VAV3: variants seen among roughly 807,000 people sequenced by gnomAD.
VAV3 encodes guanine nucleotide exchange factor VAV3.
A neutral mutation model predicts 131.2 loss-of-function variants in VAV3; 94 were observed. That is an observed-to-expected ratio of 0.72 (90% confidence interval 0.61 to 0.85). The LOEUF is 0.85. Among genes scored for constraint, VAV3 ranks in the 40% least tolerant of loss-of-function variants. VAV3 has a pLI of 0.00. For synonymous variants in VAV3, 349 were observed against 342.0 expected (o/e 1.02, Z -0.22); for missense variants, 939 against 1,002.7 (o/e 0.94, Z 0.86).
At chr1:107,956,046 A>G (rs868406194) in intron 1 of VAV3, among the ~76,000 whole-genome samples, 3 of 152,254 alleles carry the variant, frequency 2.0e-5, no homozygotes, top group African/African-American at 7.2e-5. Flanking sequence ...GTGAGAACTG[A>G]TGATGCAGAA....
At chr1:107,610,365 G>A (rs1407720911) in intron 21 of VAV3, among the ~76,000 whole-genome samples, 2 of 151,910 alleles carry the variant, frequency 1.3e-5, no homozygotes, top group African/African-American at 4.8e-5. Context: ...AATATACACT[G>A]GATGTGGGTA....
At chr1:107,663,174 T>C (rs79589127) in intron 19 of VAV3, among the ~76,000 whole-genome samples, 2 of 152,312 alleles carry the variant, frequency 1.3e-5, no homozygotes, top group African/African-American at 2.4e-5. Context: ...AGGGTGATAA[T>C]TACCTAATGC....
chr1:107,665,428 G>A (rs1657342840), intron 19 of VAV3, among the ~76,000 whole-genome samples: 1 of 152,144 alleles, frequency 6.6e-6, no homozygotes, highest in Non-Finnish European at 1.5e-5. Context: ...TTCCCCACTA[G>A]TAGGTAGACT....
intron 1 of VAV3, among the ~76,000 whole-genome samples, chr1:107,942,838 G>T (rs2101279795): frequency 6.6e-6 from 1 of 152,198 alleles, no homozygotes; most frequent in East Asian, 1.9e-4. Flanking sequence ...TATTTCTTAA[G>T]GGCCACCCCC....
chr1:107,907,142 G>A (rs1449663428), intron 1 of VAV3, among the ~76,000 whole-genome samples: 2 of 152,144 alleles, frequency 1.3e-5, no homozygotes, highest in Non-Finnish European at 2.9e-5. Flanking sequence ...ATACAAGTCA[G>A]AAAAGGCCAT....
intron 9 of VAV3, among the ~76,000 whole-genome samples, chr1:107,761,197 G>A (rs180783348): frequency 2.6e-5 from 4 of 152,136 alleles, no homozygotes; most frequent in Admixed American, 6.5e-5. Context: ...AGACCATCCT[G>A]GCTAACATGG....
At chr1:107,657,328 A>G (rs1245955972) in intron 19 of VAV3, among the ~76,000 whole-genome samples, 2 of 152,218 alleles carry the variant, frequency 1.3e-5, no homozygotes, top group Non-Finnish European at 2.9e-5. Flanking sequence ...AGGTCAATGT[A>G]GTATAAAGGG....
chr1:107,781,322 C>T (rs1181027919), intron 2 of VAV3, among the ~76,000 whole-genome samples: 1 of 152,026 alleles, frequency 6.6e-6, no homozygotes, highest in African/African-American at 2.4e-5. Context: ...ACAAAGATAA[C>T]ATTTAATTGA....
At chr1:107,587,015 G>T (rs777776528) in intron 25 of VAV3, among the ~76,000 whole-genome samples, 3 of 152,076 alleles carry the variant, frequency 2.0e-5, no homozygotes, top group African/African-American at 7.2e-5. Context: ...GTTACAGAAC[G>T]TTTAAAAAAA....
chr1:107,959,998 C>G (rs554454601), intron 1 of VAV3, among the ~76,000 whole-genome samples: 1 of 152,310 alleles, frequency 6.6e-6, no homozygotes, highest in East Asian at 1.9e-4. Flanking sequence ...TCAATAAACC[C>G]CTGCTGGCTC....
chr1:107,649,901 C>G (rs956312339), intron 19 of VAV3, among the ~76,000 whole-genome samples: 1 of 151,948 alleles, frequency 6.6e-6, no homozygotes, highest in African/African-American at 2.4e-5. Context: ...AACACAAAAG[C>G]AAGTGAATCA....
intron 19 of VAV3, among the ~76,000 whole-genome samples, chr1:107,651,719 C>T (rs1656188697): frequency 6.6e-6 from 1 of 152,040 alleles, no homozygotes; most frequent in African/African-American, 2.4e-5. Flanking sequence ...TTCTAATTGG[C>T]TTTTCCTCAT....
intron 19 of VAV3, among the ~76,000 whole-genome samples, chr1:107,651,397 A>C (rs1006805708): frequency 6.6e-6 from 1 of 152,178 alleles, no homozygotes; most frequent in Non-Finnish European, 1.5e-5. Context: ...TGTAGGTACC[A>C]GACTATAGCA....
chr1:107,835,374 A>T lies in VAV3; in HGVS notation c.321+39527T>A, dbSNP rs115659677. On this transcript the variant is annotated intron_variant, in intron 2 of 26. Transcript: ENST00000370056. The stretch of plus-strand genomic sequence containing the variant: ...TTGTGGCAACCCCCCAGGTTAGAGC[A>T]GATGGCTCAGGAGTGACAAGCTGAG... Among the ~76,000 whole-genome samples the T allele has an allele frequency of 5.2e-3, 797 of 152,306 alleles. 5 individuals are homozygous for T. Among genetic ancestry groups the T allele is most frequent in the African/African-American group, 0.019 (771 of 41,574 alleles).
intron 1 of VAV3, among the ~76,000 whole-genome samples, chr1:107,907,500 T>C (rs1672162556): frequency 6.6e-6 from 1 of 152,180 alleles, no homozygotes; most frequent in Non-Finnish European, 1.5e-5. Context: ...TAATCCCCAA[T>C]GCAACAGTAC....
chr1:107,805,726 C>T, intron 2 of VAV3, among the ~76,000 whole-genome samples: 1 of 152,130 alleles, frequency 6.6e-6, no homozygotes. Flanking sequence ...CTTGTGGATG[C>T]ATCTCCGTGT....
chr1:107,748,737 G>C (rs530157921), intron 15 of VAV3, among the ~76,000 whole-genome samples: 3 of 152,290 alleles, frequency 2.0e-5, no homozygotes, highest in African/African-American at 7.2e-5. Flanking sequence ...CAGAAGATTA[G>C]AGCTCCCTCT....
intron 19 of VAV3, among the ~76,000 whole-genome samples, chr1:107,659,191 A>G (rs1055140578): frequency 6.6e-6 from 1 of 152,086 alleles, no homozygotes; most frequent in East Asian, 1.9e-4. Flanking sequence ...TCCCAGCACC[A>G]TTTATTAAAT....
intron 20 of VAV3, among the ~76,000 whole-genome samples, chr1:107,636,892 G>C (rs1274677446): frequency 6.6e-5 from 10 of 152,058 alleles, no homozygotes; most frequent in Non-Finnish European, 1.3e-4. Flanking sequence ...CAAAAGAAAG[G>C]AAAGTACACA....
Sources: allele counts gnomAD v4.1 joint callset (sites outside exome capture counted in the v4.1 genomes callset), GRCh38; gene constraint gnomAD v4.1.1; transcripts MANE v1.5; gene names NCBI Gene and HGNC (gene_info 2026-07-23, HGNC 2026-07-21).